Variants in ASIC2 observed in about 807,000 individuals in gnomAD.
ASIC2 encodes acid sensing ion channel subunit 2.
A neutral mutation model predicts 57.3 loss-of-function variants in ASIC2; 25 were observed. The ratio of observed to expected loss-of-function variants is 0.44; its 90% CI spans 0.32 to 0.61. ASIC2 has a LOEUF of 0.61. ASIC2 is among the 20% of genes least tolerant of loss of function. ASIC2 has a pLI of 0.06. For synonymous variants in ASIC2, 319 were observed against 307.5 expected, an observed-to-expected ratio of 1.04 and a Z score of -0.39; for missense variants, 641 against 738.1, an observed-to-expected ratio of 0.87 and a Z score of 1.52.
At chr17:33,548,811 A>G (rs1400485312) in intron 1 of ASIC2, among the ~76,000 whole-genome samples, 2 of 152,052 alleles carry the variant, frequency 1.3e-5, no homozygotes, top group Non-Finnish European at 2.9e-5. Flanking sequence ...GGACCTTTAC[A>G]CTTGCCATTT....
At chr17:33,663,884 C>T (rs144957639) in intron 1 of ASIC2, among the ~76,000 whole-genome samples, 35 of 152,172 alleles carry the variant, frequency 2.3e-4, no homozygotes, top group African/African-American at 7.7e-4. Flanking sequence ...GTGCTCAGGG[C>T]AGCCCTCCTC....
intron 1 of ASIC2, among the ~76,000 whole-genome samples, chr17:33,421,920 C>G (rs751412130): frequency 1.1e-4 from 16 of 152,214 alleles, no homozygotes; most frequent in Non-Finnish European, 1.2e-4. Context: ...CAACACTAAC[C>G]AAGCACACGT....
At chr17:33,270,712 C>A (rs1904450444) in intron 1 of ASIC2, among the ~76,000 whole-genome samples, 1 of 152,186 alleles carries the variant, frequency 6.6e-6, no homozygotes. Context: ...TCATTTCTAA[C>A]CCTGACAAAG....
intron 1 of ASIC2, among the ~76,000 whole-genome samples, chr17:34,138,876 C>G (rs563817692): frequency 6.6e-6 from 1 of 152,314 alleles, no homozygotes; most frequent in Admixed American, 6.5e-5. Context: ...GCAATGATCA[C>G]ACAACCCAAT....
At position 33,273,962 on chromosome 17, in the gene ASIC2, A is replaced by G. The variant is rs143716041; in HGVS notation, c.708+17446T>C. Among the ~76,000 whole-genome samples, 954 of 152,168 alleles carry G rather than the reference A, an allele frequency of 6.3e-3. 13 individuals are homozygous for G. The highest frequency in any genetic ancestry group is 0.022 in the African/African-American group (900 of 41,502). On this transcript the variant is annotated intron_variant, in intron 1 of 9. Coordinates refer to ENST00000225823, the MANE Select transcript of ASIC2 (RefSeq NM_183377.2). ...GTCATCATTTTTATTCCTTGCAATC[A>G]CTCTGTGGGAAGGCAATGGGTGGTA...
At chr17:33,224,006 T>C (rs539243836) in intron 1 of ASIC2, among the ~76,000 whole-genome samples, 1 of 152,316 alleles carries the variant, frequency 6.6e-6, no homozygotes, top group African/African-American at 2.4e-5. Flanking sequence ...GGCACCTCCA[T>C]TTGATTTCTT....
chr17:33,016,099 A>G (rs878950784), intron 8 of ASIC2, 60 bp from the exon 9 acceptor site: 2 of 1,555,976 alleles, frequency 1.3e-6, no homozygotes, highest in Admixed American at 3.4e-5. Context: ...GGCAGAAGGG[A>G]CCTCCCTCCA....
chr17:33,939,865 AG>A (rs1276589805), intron 1 of ASIC2, among the ~76,000 whole-genome samples: 1 of 152,172 alleles, frequency 6.6e-6, no homozygotes, highest in African/African-American at 2.4e-5. Context: ...AGTTGTAAAT[AG>A]GGCATTTGGG....
At chr17:34,085,230 TGA>T (rs1437331695) in intron 1 of ASIC2, among the ~76,000 whole-genome samples, 1 of 152,210 alleles carries the variant, frequency 6.6e-6, no homozygotes, top group Non-Finnish European at 1.5e-5. Flanking sequence ...CCTAATTTAT[TGA>T]GAGTTTTTAG....
chr17:33,430,966 G>A (rs1006449469), intron 1 of ASIC2, among the ~76,000 whole-genome samples: 1 of 152,154 alleles, frequency 6.6e-6, no homozygotes, highest in Non-Finnish European at 1.5e-5. Flanking sequence ...AAGCAGGTGA[G>A]GACAAACCAC....
intron 1 of ASIC2, among the ~76,000 whole-genome samples, chr17:33,505,229 A>T (rs566797075): frequency 6.6e-6 from 1 of 152,230 alleles, no homozygotes; most frequent in Non-Finnish European, 1.5e-5. Flanking sequence ...GGGTCAGAGC[A>T]ACAAGAGTGA....
intron 1 of ASIC2, among the ~76,000 whole-genome samples, chr17:33,880,937 G>A (rs1022051039): frequency 4.6e-5 from 7 of 152,164 alleles, no homozygotes; most frequent in African/African-American, 1.7e-4. Context: ...TCATCCCTGG[G>A]ATGCAAGGCT....
chr17:34,002,265 A>G (rs1003108848), intron 1 of ASIC2: 4 of 152,262 alleles, frequency 2.6e-5, no homozygotes, highest in African/African-American at 9.6e-5. Context: ...GCTGCAAGGT[A>G]GGAGAAAAAA....
intron 1 of ASIC2, among the ~76,000 whole-genome samples, chr17:33,595,046 G>A (rs2082664): frequency 0.29 from 44,193 of 151,628 alleles, 7,168 homozygotes; most frequent in African/African-American, 0.44. Context: ...ATAGCGAGAC[G>A]TTATCTCTAC....
chr17:33,855,331 C>A (rs62057918), intron 1 of ASIC2, among the ~76,000 whole-genome samples: 11,640 of 152,222 alleles, frequency 0.076, 581 homozygotes, highest in Admixed American at 0.12. Flanking sequence ...GCTTTGGTCA[C>A]ACAGAGTTGG....
intron 1 of ASIC2, among the ~76,000 whole-genome samples, chr17:34,048,163 C>G (rs557832158): frequency 6.6e-6 from 1 of 152,300 alleles, no homozygotes; most frequent in South Asian, 2.1e-4. Flanking sequence ...TGTCTAACTG[C>G]CTGTGTGTTC....
At chr17:33,195,793 T>C (rs1447164164) in intron 1 of ASIC2, among the ~76,000 whole-genome samples, 2 of 152,160 alleles carry the variant, frequency 1.3e-5, no homozygotes, top group Non-Finnish European at 2.9e-5. Context: ...CTTCTGATCC[T>C]TCATTCTACC....
intron 3 of ASIC2, among the ~76,000 whole-genome samples, chr17:33,030,108 T>A (rs1199153085): frequency 6.6e-6 from 1 of 152,192 alleles, no homozygotes; most frequent in Non-Finnish European, 1.5e-5. Flanking sequence ...ATGGTATCTA[T>A]TTTTTAAAAT....
intron 1 of ASIC2, among the ~76,000 whole-genome samples, chr17:33,736,710 C>T (rs1055020784): frequency 4.6e-5 from 7 of 152,252 alleles, no homozygotes; most frequent in African/African-American, 1.4e-4. Flanking sequence ...CAATTGTACC[C>T]TCCTCTCCGA....
Sources: allele counts gnomAD v4.1 joint callset (sites outside exome capture counted in the v4.1 genomes callset), GRCh38; gene constraint gnomAD v4.1.1; transcripts MANE v1.5; gene names NCBI Gene and HGNC (gene_info 2026-07-23, HGNC 2026-07-21).